SLC24A2: variants seen among roughly 807,000 people sequenced by gnomAD.
SLC24A2 encodes the protein sodium/potassium/calcium exchanger 2.
In SLC24A2, 36 loss-of-function variants were observed where a neutral mutation model predicts 62.0. The observed-to-expected ratio is 0.58, with a 90% confidence interval of 0.44 to 0.77. The LOEUF is 0.77. Among genes scored for constraint, SLC24A2 ranks in the 30% least tolerant of loss-of-function variants. SLC24A2 has a pLI of 0.00. For missense variants in SLC24A2, 846 were observed against 817.9 expected (o/e 1.03, Z -0.42); for synonymous variants, 358 against 294.0 (o/e 1.22, Z -2.23).
chr9:20,304,736 G>A, the SLC24A2 span, among the ~76,000 whole-genome samples: 2 of 152,138 alleles, frequency 1.3e-5, no homozygotes, highest in Admixed American at 1.3e-4. Flanking sequence ...AGATAGCCCT[G>A]GACTATTTTC....
intron 2 of SLC24A2, among the ~76,000 whole-genome samples, chr9:19,766,767 G>T (rs1026802391): frequency 6.6e-6 from 1 of 152,220 alleles, no homozygotes; most frequent in African/African-American, 2.4e-5. Context: ...GAAGGCATGA[G>T]GGTCAGCGAC....
intron 7 of SLC24A2, among the ~76,000 whole-genome samples, chr9:19,570,789 A>G (rs1405012089): frequency 6.6e-6 from 1 of 152,150 alleles, no homozygotes; most frequent in Non-Finnish European, 1.5e-5. Flanking sequence ...AGGTAACTTG[A>G]CCCTGGTGGA....
chr9:20,103,716 G>C, the SLC24A2 span, among the ~76,000 whole-genome samples: 3 of 152,068 alleles, frequency 2.0e-5, no homozygotes, highest in South Asian at 4.1e-4. Flanking sequence ...CATCATCAAA[G>C]ACCAAAAGTA....
the SLC24A2 span, among the ~76,000 whole-genome samples, chr9:20,247,661 G>C: frequency 6.6e-6 from 1 of 152,172 alleles, no homozygotes; most frequent in Non-Finnish European, 1.5e-5. Flanking sequence ...TTGTTGGTTA[G>C]CCAAAAGTCT....
the SLC24A2 span, among the ~76,000 whole-genome samples, chr9:19,960,173 C>T: frequency 6.6e-6 from 1 of 152,056 alleles, no homozygotes; most frequent in Admixed American, 6.6e-5. Context: ...ATTTTATATC[C>T]TAACACACAC....
At chr9:19,746,666 G>C (rs966063791) in intron 2 of SLC24A2, among the ~76,000 whole-genome samples, 1 of 152,014 alleles carries the variant, frequency 6.6e-6, no homozygotes, top group African/African-American at 2.4e-5. Flanking sequence ...CAGTATTTCT[G>C]TCCTCACTTG....
chr9:20,157,231 C>G, the SLC24A2 span, among the ~76,000 whole-genome samples: 1 of 151,368 alleles, frequency 6.6e-6, no homozygotes, highest in African/African-American at 2.4e-5. Flanking sequence ...TCAAATCTCC[C>G]TACAAACTGG....
chr9:19,925,585 C>T, the SLC24A2 span, among the ~76,000 whole-genome samples: 3 of 152,066 alleles, frequency 2.0e-5, no homozygotes, highest in Non-Finnish European at 4.4e-5. Context: ...TCAAATATTT[C>T]GTATTTGAGA....
At chr9:20,043,963 C>A in the SLC24A2 span, among the ~76,000 whole-genome samples, 7 of 152,164 alleles carry the variant, frequency 4.6e-5, no homozygotes, top group Non-Finnish European at 1.0e-4. Context: ...TCAATCAATG[C>A]AGCAAATTTC....
chr9:19,631,095 C>G (rs540517405), intron 2 of SLC24A2, among the ~76,000 whole-genome samples: 1 of 152,178 alleles, frequency 6.6e-6, no homozygotes, highest in Non-Finnish European at 1.5e-5. Flanking sequence ...ATTGAGCACC[C>G]TTCTGAGGGC....
At chr9:19,518,997 G>C (rs1252392959) in intron 10 of SLC24A2, among the ~76,000 whole-genome samples, 1 of 152,044 alleles carries the variant, frequency 6.6e-6, no homozygotes, top group African/African-American at 2.4e-5. Flanking sequence ...AAAAGAGGAG[G>C]TTTTTCTGCA....
the SLC24A2 span, among the ~76,000 whole-genome samples, chr9:19,920,536 C>T: frequency 6.6e-6 from 1 of 152,130 alleles, no homozygotes; most frequent in Non-Finnish European, 1.5e-5. Context: ...AGCAAACCAG[C>T]ATTGGGTACG....
the SLC24A2 span, among the ~76,000 whole-genome samples, chr9:19,873,317 T>C: frequency 6.6e-6 from 1 of 151,726 alleles, no homozygotes; most frequent in Non-Finnish European, 1.5e-5. Context: ...TTTCCTTCCG[T>C]CCTTCTCTTT....
At chr9:20,290,695 C>A in the SLC24A2 span, among the ~76,000 whole-genome samples, 1 of 152,198 alleles carries the variant, frequency 6.6e-6, no homozygotes, top group African/African-American at 2.4e-5. Context: ...CTACAGAGAG[C>A]TGTGCCTGAG....
the SLC24A2 span, among the ~76,000 whole-genome samples, chr9:20,030,054 A>G: frequency 2.6e-5 from 4 of 152,138 alleles, no homozygotes; most frequent in Non-Finnish European, 5.9e-5. Flanking sequence ...ACCGCATTAG[A>G]AAGTTTAATA....
At chr9:19,574,895 G>T (rs1835961732) in intron 6 of SLC24A2, among the ~76,000 whole-genome samples, 2 of 152,134 alleles carry the variant, frequency 1.3e-5, no homozygotes, top group Admixed American at 1.3e-4. Flanking sequence ...AGGGTTTCTG[G>T]GGGTATCAGA....
the SLC24A2 span, among the ~76,000 whole-genome samples, chr9:20,062,829 A>T: frequency 2.3e-5 from 3 of 130,480 alleles, no homozygotes. Context: ...AAAGTGGGTG[A>T]AGGACATGAA....
rs370608767 is a variant in SLC24A2, at chr9:19,728,643, G to A, written c.930+57294C>T. Among the ~76,000 whole-genome samples, 22 of 151,916 alleles carry A rather than the reference G, an allele frequency of 1.4e-4. 2 individuals carry two copies. In the East Asian group the frequency reaches 1.5e-3, roughly 11 times the overall value. On this transcript the variant is annotated intron_variant, in intron 2 of 10. Transcript: ENST00000341998. ...TATAATTTTCAAAGACCACATAACT[G>A]CTTCAAAAAAAATGACAGCTGTCAC...
chr9:19,644,981 T>C (rs1488383056), intron 2 of SLC24A2, among the ~76,000 whole-genome samples: 1 of 152,174 alleles, frequency 6.6e-6, no homozygotes, highest in Non-Finnish European at 1.5e-5. Context: ...TGAACAGGCA[T>C]GAAACTATAC....
Sources: allele counts gnomAD v4.1 joint callset (sites outside exome capture counted in the v4.1 genomes callset), GRCh38; gene constraint gnomAD v4.1.1; transcripts MANE v1.5; gene names NCBI Gene and HGNC (gene_info 2026-07-23, HGNC 2026-07-21).